The following APPL2 variants were observed in gnomAD, a reference collection of about 807,000 sequenced individuals.
APPL2 encodes adaptor protein, phosphotyrosine interacting with PH domain and leucine zipper 2.
In APPL2, 84 loss-of-function variants were observed where a neutral mutation model predicts 92.7. That is an observed-to-expected ratio of 0.91 (90% CI 0.76 to 1.09). The LOEUF is 1.09. Among genes scored for constraint, APPL2 ranks in the 50% least tolerant of loss-of-function variants. APPL2 has a pLI of 0.00. For synonymous variants in APPL2, 291 were observed against 291.0 expected, an observed-to-expected ratio of 1.00 and a Z score of 0.00; for missense variants, 736 against 824.5, an observed-to-expected ratio of 0.89 and a Z score of 1.31.
chr12:105,175,199 A>G (rs1213588240), intron 20 of APPL2, among the ~76,000 whole-genome samples: 1 of 152,182 alleles, frequency 6.6e-6, no homozygotes, highest in African/African-American at 2.4e-5. Flanking sequence ...TTGTCTTATG[A>G]TAGCAGAGTT....
At chr12:105,178,633 T>C (rs1885788116) in intron 17 of APPL2, among the ~76,000 whole-genome samples, 1 of 152,166 alleles carries the variant, frequency 6.6e-6, no homozygotes, top group Non-Finnish European at 1.5e-5. Context: ...GAACTCGAGA[T>C]TGAGTTCTAC....
chr12:105,230,194 A>G (rs112584849), intron 1 of APPL2, among the ~76,000 whole-genome samples: 253 of 152,334 alleles, frequency 1.7e-3, no homozygotes, highest in African/African-American at 5.9e-3. Context: ...TAGCAACTTA[A>G]TAAGAATGCT....
intron 2 of APPL2, among the ~76,000 whole-genome samples, chr12:105,223,604 G>A (rs78452014): frequency 0.047 from 7,198 of 152,282 alleles, 577 homozygotes; most frequent in African/African-American, 0.16. Flanking sequence ...CCCATGCAAA[G>A]TGGAGGCCAA....
intron 5 of APPL2, among the ~76,000 whole-genome samples, chr12:105,209,787 T>TG (rs1204789970): frequency 6.6e-6 from 1 of 152,206 alleles, no homozygotes; most frequent in Admixed American, 6.5e-5. Flanking sequence ...CCTGCTTTGT[T>TG]TAATCAAGGT....
intron 8 of APPL2, among the ~76,000 whole-genome samples, chr12:105,205,006 G>A (rs1240780120): frequency 2.0e-5 from 3 of 152,192 alleles, no homozygotes; most frequent in Admixed American, 2.0e-4. Flanking sequence ...AGGCAGGAAT[G>A]GAGTCCCCAC....
chr12:105,189,683 C>G (rs1887025167), intron 16 of APPL2, 89 bp downstream of exon 16: 2 of 1,362,838 alleles, frequency 1.5e-6, no homozygotes, highest in Non-Finnish European at 2.1e-6. Context: ...CTAATCATAG[C>G]TCTCTAAAAC....
At chr12:105,192,933 G>T (rs1887341132) in intron 14 of APPL2, among the ~76,000 whole-genome samples, 1 of 152,306 alleles carries the variant, frequency 6.6e-6, no homozygotes, top group South Asian at 2.1e-4. Flanking sequence ...ATAGCAGTTT[G>T]TTCCCAAGAA....
At chr12:105,175,900 A>T in intron 20 of APPL2, 135 bp downstream of exon 20, 1 of 790,090 alleles carries the variant, frequency 1.3e-6, no homozygotes, top group Non-Finnish European at 1.9e-6. Flanking sequence ...TGGTGGTTAG[A>T]ATACTTTTAA....
intron 2 of APPL2, among the ~76,000 whole-genome samples, chr12:105,228,684 C>T (rs748800437): frequency 2.6e-5 from 4 of 152,156 alleles, no homozygotes; most frequent in East Asian, 1.9e-4. Flanking sequence ...AGAAGCCACC[C>T]GATAGTTTCA....
At chr12:105,195,751 G>A in intron 11 of APPL2, 124 bp from the exon 12 acceptor site, 1 of 1,092,236 alleles carries the variant, frequency 9.2e-7, no homozygotes, top group South Asian at 1.3e-5. Context: ...CATGATGAGA[G>A]GGAAAGAAAA....
intron 9 of APPL2, 143 bp downstream of exon 9, chr12:105,203,560 G>C (rs910871757): frequency 1.4e-6 from 1 of 693,930 alleles, no homozygotes; most frequent in Non-Finnish European, 2.5e-6. Flanking sequence ...CTAAGGCAAG[G>C]GCACTGTTAG....
rs768914856 is a variant in APPL2, at chr12:105,176,994, T to A, written c.1694A>T (p.Gln565Leu). ...CTTGTTTTCTTGATGAGCAGCAAATTGTGTGACACTGGTAAGTTCAAACTG... is the reference window on the plus strand; with the variant it reads ...CTTGTTTTCTTGATGAGCAGCAAATAGTGTGACACTGGTAAGTTCAAACTG... The part of the protein sequence containing the change: ...RANFELTSVT[Q>L]FAAHQENKRL... The change falls in exon 19 of 21, where the codon CAA becomes CTA. Residue 565 changes from glutamine (Q) to leucine (L), a missense_variant. Transcript: ENST00000258530. The A allele has an allele frequency of 1.2e-6, 2 of 1,614,126 alleles. No individual in the cohort carries two copies. The highest frequency in any genetic ancestry group is 3.3e-5 in the Admixed American group (2 of 60,026).
intron 20 of APPL2, among the ~76,000 whole-genome samples, chr12:105,175,218 T>C (rs1403349103): frequency 1.3e-5 from 2 of 152,210 alleles, no homozygotes; most frequent in Non-Finnish European, 2.9e-5. Flanking sequence ...TTGAATCTGT[T>C]GCAAGGGAGA....
chr12:105,185,413 C>G (rs148450442), intron 17 of APPL2, among the ~76,000 whole-genome samples: 10 of 152,300 alleles, frequency 6.6e-5, no homozygotes, highest in African/African-American at 2.4e-4. Flanking sequence ...ATCTCCTGGT[C>G]TGCGGGCTGC....
chr12:105,174,570 G>A (rs1260721901), intron 20 of APPL2, 122 bp from the exon 21 acceptor site: 1 of 1,041,214 alleles, frequency 9.6e-7, no homozygotes. Flanking sequence ...TTGTGTATAT[G>A]TGCCTTCCGC....
At chr12:105,191,934 C>T (rs774234517) in intron 14 of APPL2, among the ~76,000 whole-genome samples, 11 of 152,116 alleles carry the variant, frequency 7.2e-5, no homozygotes, top group Non-Finnish European at 1.3e-4. Context: ...CATAGAGGAC[C>T]TCATCCACTG....
chr12:105,200,762 C>A (rs1365059809), intron 9 of APPL2, among the ~76,000 whole-genome samples: 1 of 152,160 alleles, frequency 6.6e-6, no homozygotes, highest in East Asian at 1.9e-4. Flanking sequence ...ACATGAGCAC[C>A]TCAGGATTCT....
At chr12:105,211,634 C>T (rs1204671391) in intron 4 of APPL2, among the ~76,000 whole-genome samples, 4 of 152,188 alleles carry the variant, frequency 2.6e-5, no homozygotes, top group Non-Finnish European at 4.4e-5. Flanking sequence ...ACTGGAGAAT[C>T]CTAATGCCTG....
intron 5 of APPL2, among the ~76,000 whole-genome samples, chr12:105,208,570 T>C (rs1592807282): frequency 6.6e-6 from 1 of 152,206 alleles, no homozygotes; most frequent in South Asian, 2.1e-4. Context: ...TAGAGTGTCT[T>C]AATACATCTT....
Sources: gnomAD v4.1 joint callset for allele counts (sites outside exome capture counted in the v4.1 genomes callset) on GRCh38, gnomAD v4.1.1 for gene constraint, MANE v1.5 for transcripts, NCBI Gene and HGNC (gene_info 2026-07-23, HGNC 2026-07-21) for gene names.